Variants in GRM5 observed in about 807,000 individuals in gnomAD.
GRM5 encodes the protein glutamate metabotropic receptor 5, also known as metabotropic glutamate receptor 5.
GRM5 carries 19 observed loss-of-function variants against 83.1 expected under a neutral mutation model. The observed-to-expected ratio is 0.23, with a 90% CI of 0.16 to 0.34. The LOEUF is 0.34. Among genes scored for constraint, GRM5 ranks in the 10% least tolerant of loss-of-function variants. The probability of loss-of-function intolerance (pLI) is 1.00; values close to 1 mark genes in which losing one functional copy is unlikely to be tolerated. For missense variants in GRM5, 1,160 were observed against 1,588.3 expected (o/e 0.73, Z 4.58); for synonymous variants, 675 against 633.6 (o/e 1.07, Z -0.98).
At chr11:88,932,021 G>C (rs1242344787) in intron 2 of GRM5, among the ~76,000 whole-genome samples, 1 of 151,964 alleles carries the variant, frequency 6.6e-6, no homozygotes, top group Non-Finnish European at 1.5e-5. Flanking sequence ...AGATTGACCC[G>C]TCTCATCAAA....
intron 3 of GRM5, among the ~76,000 whole-genome samples, chr11:88,824,109 C>A (rs934664463): frequency 3.3e-5 from 5 of 152,086 alleles, no homozygotes; most frequent in African/African-American, 1.2e-4. Context: ...GCTATCATCT[C>A]TTCTTGCATT....
At chr11:88,830,129 T>C (rs568529723) in intron 3 of GRM5, among the ~76,000 whole-genome samples, 38 of 152,042 alleles carry the variant, frequency 2.5e-4, no homozygotes, top group African/African-American at 8.9e-4. Context: ...ATAAAAAATA[T>C]ATATGCACTA....
In GRM5 at chr11:88,593,452, C is replaced by T. The variant is rs1241615381; in HGVS notation, c.1564-2725G>A. 3.3e-5 allele frequency among the ~76,000 whole-genome samples: 5 copies of T among 151,804 alleles called. No individual in the cohort carries two copies. The East Asian group carries it at 7.8e-4, about 24-fold the overall frequency. On this transcript the variant is annotated intron_variant, in intron 6 of 9. Transcript: ENST00000305447. ...CAGCACTTTGGAAGGCTGAGGTGGGCGGATCACGAGGTCAGCAGATCGAGA... is the reference window on the plus strand; with the variant it reads ...CAGCACTTTGGAAGGCTGAGGTGGGTGGATCACGAGGTCAGCAGATCGAGA...
chr11:88,578,872 G>A lies in GRM5; in HGVS notation c.1691-10880C>T, dbSNP rs376956781. The stretch of plus-strand genomic sequence containing the variant: ...AACTGTTTGAAAAAAAAAAGACAGT[G>A]CACAAAATTTTTCATTGCATTTTAG... On this transcript the variant is annotated intron_variant, in intron 7 of 9. Transcript: ENST00000305447. 4.6e-5 allele frequency among the ~76,000 whole-genome samples: 7 copies of A among 151,868 alleles called. No homozygotes were observed. In the East Asian group the frequency reaches 1.2e-3, roughly 25 times the overall value.
At chr11:88,882,228 C>T (rs1322799084) in intron 2 of GRM5, among the ~76,000 whole-genome samples, 1 of 105,196 alleles carries the variant, frequency 9.5e-6, no homozygotes, top group Non-Finnish European at 1.9e-5. Flanking sequence ...CAGAGTGACA[C>T]TCTGAATCAA....
intron 4 of GRM5, among the ~76,000 whole-genome samples, chr11:88,619,299 C>T (rs1430568639): frequency 6.6e-6 from 1 of 152,144 alleles, no homozygotes; most frequent in Non-Finnish European, 1.5e-5. Flanking sequence ...AGAAAGGAAG[C>T]CCTTGGGCTG....
At chr11:88,980,185 G>T (rs1319115588) in intron 2 of GRM5, among the ~76,000 whole-genome samples, 1 of 152,020 alleles carries the variant, frequency 6.6e-6, no homozygotes. Flanking sequence ...AAACACAGCT[G>T]AAAATTTTGG....
intron 4 of GRM5, among the ~76,000 whole-genome samples, chr11:88,652,177 C>T (rs2135304819): frequency 6.6e-6 from 1 of 152,106 alleles, no homozygotes; most frequent in Admixed American, 6.6e-5. Context: ...TAATTTATTA[C>T]TATTTATATC....
At chr11:88,853,461 T>C (rs1282905915) in intron 2 of GRM5, among the ~76,000 whole-genome samples, 1 of 151,996 alleles carries the variant, frequency 6.6e-6, no homozygotes, top group Non-Finnish European at 1.5e-5. Context: ...AGGGAATTAT[T>C]TGATGCTAAA....
At chr11:88,623,426 G>A (rs145402085) in intron 4 of GRM5, among the ~76,000 whole-genome samples, 1 of 151,956 alleles carries the variant, frequency 6.6e-6, no homozygotes, top group East Asian at 1.9e-4. Context: ...CACCGTGCCC[G>A]GCCAGAGACC....
intron 2 of GRM5, among the ~76,000 whole-genome samples, chr11:89,006,722 T>C (rs1417801919): frequency 6.6e-6 from 1 of 152,222 alleles, no homozygotes; most frequent in Non-Finnish European, 1.5e-5. Flanking sequence ...GCATATTACC[T>C]TTACCTTGTC....
At chr11:88,693,493 G>A (rs748448917) in intron 3 of GRM5, among the ~76,000 whole-genome samples, 1 of 151,918 alleles carries the variant, frequency 6.6e-6, no homozygotes, top group Non-Finnish European at 1.5e-5. Flanking sequence ...AAAAGATGGA[G>A]GAAAAAAAGT....
At chr11:88,799,128 A>G (rs1377690234) in intron 3 of GRM5, among the ~76,000 whole-genome samples, 2 of 152,106 alleles carry the variant, frequency 1.3e-5, no homozygotes, top group African/African-American at 4.8e-5. Context: ...CTTAAAAAGT[A>G]TTTGGCACTT....
At chr11:88,756,687 A>G (rs1372648579) in intron 3 of GRM5, among the ~76,000 whole-genome samples, 1 of 152,132 alleles carries the variant, frequency 6.6e-6, no homozygotes, top group African/African-American at 2.4e-5. Flanking sequence ...ATTGTATATT[A>G]CACATTAAAA....
At chr11:88,862,507 T>A (rs180770415) in intron 2 of GRM5, among the ~76,000 whole-genome samples, 1 of 152,142 alleles carries the variant, frequency 6.6e-6, no homozygotes, top group Non-Finnish European at 1.5e-5. Flanking sequence ...TAAATGTCAA[T>A]AGATATATCC....
chr11:88,621,038 T>C (rs922305868), intron 4 of GRM5, among the ~76,000 whole-genome samples: 1 of 152,212 alleles, frequency 6.6e-6, no homozygotes, highest in African/African-American at 2.4e-5. Context: ...GATGGATATA[T>C]TATTTTAGAT....
intron 3 of GRM5, among the ~76,000 whole-genome samples, chr11:88,717,799 G>T (rs1382584657): frequency 6.6e-6 from 1 of 151,628 alleles, no homozygotes; most frequent in Admixed American, 6.6e-5. Context: ...TCACTAAATG[G>T]TTGAATTATA....
rs143748453 is a variant in GRM5, at chr11:89,018,865, C to T, written c.661+28347G>A. Among the ~76,000 whole-genome samples the T allele has an allele frequency of 8.0e-3, 1,219 of 152,258 alleles. 11 individuals carry two copies. Among genetic ancestry groups the T allele is most frequent in the African/African-American group, 0.028 (1,154 of 41,542 alleles). ...ACTGTAAATATTGCACAGAAAGTCC[C>T]TATATACTGCATACCCACATTTTCC... is the stretch of plus-strand genomic sequence containing the variant. On this transcript the variant is annotated intron_variant, in intron 2 of 9. Coordinates refer to ENST00000305447, the MANE Select transcript of GRM5 (RefSeq NM_001143831.3).
At chr11:88,939,588 T>G (rs1426209567) in intron 2 of GRM5, among the ~76,000 whole-genome samples, 1 of 151,872 alleles carries the variant, frequency 6.6e-6, no homozygotes, top group Non-Finnish European at 1.5e-5. Context: ...TACAGCATTA[T>G]CCTAAACCAA....
Sources: gnomAD v4.1 joint callset for allele counts (sites outside exome capture counted in the v4.1 genomes callset) on GRCh38, gnomAD v4.1.1 for gene constraint, MANE v1.5 for transcripts, NCBI Gene and HGNC (gene_info 2026-07-23, HGNC 2026-07-21) for gene names.